The following MAML2 variants were observed in gnomAD, a reference collection of about 807,000 sequenced individuals.
MAML2 encodes mastermind-like protein 2.
A neutral mutation model predicts 96.1 loss-of-function variants in MAML2; 22 were observed. The ratio of observed to expected loss-of-function variants is 0.23; its 90% confidence interval spans 0.16 to 0.33. MAML2 has a LOEUF of 0.33. MAML2 is among the 10% of genes least tolerant of loss of function. The pLI is 1.00. For synonymous variants in MAML2, 561 were observed against 521.3 expected (o/e 1.08, Z -1.04); for missense variants, 1,367 against 1,392.4 (o/e 0.98, Z 0.29).
At chr11:96,081,415 A>G (rs566948663) in intron 2 of MAML2, among the ~76,000 whole-genome samples, 2 of 152,324 alleles carry the variant, frequency 1.3e-5, no homozygotes, top group Admixed American at 1.3e-4. Flanking sequence ...GAAGATGTCC[A>G]TCAAGTTACC....
At chr11:96,233,134 C>T (rs893829975) in intron 1 of MAML2, among the ~76,000 whole-genome samples, 4 of 151,906 alleles carry the variant, frequency 2.6e-5, no homozygotes, top group Non-Finnish European at 4.4e-5. Flanking sequence ...AAAACAATAT[C>T]TGTCACCAAT....
intron 1 of MAML2, among the ~76,000 whole-genome samples, chr11:96,260,552 C>G (rs1215298380): frequency 2.0e-5 from 3 of 152,106 alleles, no homozygotes; most frequent in African/African-American, 7.2e-5. Flanking sequence ...AAGAGGAACA[C>G]CAGGGCTGCC....
At chr11:96,121,114 T>A (rs1403613841) in intron 1 of MAML2, among the ~76,000 whole-genome samples, 1 of 152,052 alleles carries the variant, frequency 6.6e-6, no homozygotes, top group African/African-American at 2.4e-5. Flanking sequence ...TGGATGCTAT[T>A]CCAGGTCACA....
At chr11:96,024,014 A>G (rs1858477117) in intron 2 of MAML2, among the ~76,000 whole-genome samples, 1 of 152,228 alleles carries the variant, frequency 6.6e-6, no homozygotes, top group East Asian at 1.9e-4. Context: ...AAGTTAAGAT[A>G]TAAGATGATC....
At chr11:96,061,870 C>T (rs1365970689) in intron 2 of MAML2, among the ~76,000 whole-genome samples, 1 of 151,790 alleles carries the variant, frequency 6.6e-6, no homozygotes, top group Non-Finnish European at 1.5e-5. Context: ...ACTCTTAATA[C>T]ACCTCATAGA....
At chr11:96,134,894 G>A (rs1026494908) in intron 1 of MAML2, among the ~76,000 whole-genome samples, 5 of 152,210 alleles carry the variant, frequency 3.3e-5, no homozygotes, top group African/African-American at 1.2e-4. Context: ...CATGTGTAGG[G>A]CATTACATCC....
intron 2 of MAML2, among the ~76,000 whole-genome samples, chr11:96,001,867 G>A (rs1565186039): frequency 6.6e-6 from 1 of 152,056 alleles, no homozygotes; most frequent in Non-Finnish European, 1.5e-5. Context: ...CCTATACAAT[G>A]GTGATACTAA....
intron 2 of MAML2, among the ~76,000 whole-genome samples, chr11:95,996,962 T>A (rs1161603074): frequency 6.6e-6 from 1 of 152,126 alleles, no homozygotes; most frequent in Non-Finnish European, 1.5e-5. Context: ...AGAGTATGTG[T>A]GTATGTGTGC....
intron 2 of MAML2, among the ~76,000 whole-genome samples, chr11:95,995,668 T>C (rs915838079): frequency 1.3e-5 from 2 of 152,212 alleles, no homozygotes; most frequent in Admixed American, 6.5e-5. Flanking sequence ...ACTGTAAGTG[T>C]ACCTGGACTA....
intron 2 of MAML2, among the ~76,000 whole-genome samples, chr11:96,062,367 T>G (rs1343263695): frequency 1.3e-5 from 2 of 152,174 alleles, no homozygotes; most frequent in African/African-American, 4.8e-5. Flanking sequence ...GAAGTGCAGG[T>G]AAAAAGTTCA....
chr11:96,162,937 C>T (rs1253901478), intron 1 of MAML2, among the ~76,000 whole-genome samples: 7 of 152,182 alleles, frequency 4.6e-5, no homozygotes, highest in Admixed American at 4.6e-4. Context: ...TTATCATTTC[C>T]TGCTTGGATT....
intron 1 of MAML2, among the ~76,000 whole-genome samples, chr11:96,292,627 C>T (rs1319916318): frequency 6.6e-6 from 1 of 152,170 alleles, no homozygotes. Flanking sequence ...TAGAAAGTTC[C>T]TTTTTTATCT....
At chr11:96,301,226 A>T (rs967883557) in intron 1 of MAML2, among the ~76,000 whole-genome samples, 1 of 152,178 alleles carries the variant, frequency 6.6e-6, no homozygotes, top group Non-Finnish European at 1.5e-5. Flanking sequence ...TCAAAAGTTG[A>T]TTTCTTTTTC....
At chr11:96,273,017 C>G (rs1862937760) in intron 1 of MAML2, among the ~76,000 whole-genome samples, 1 of 152,200 alleles carries the variant, frequency 6.6e-6, no homozygotes, top group African/African-American at 2.4e-5. Context: ...TATTCAGCCC[C>G]TACTATATGT....
At chr11:96,003,668 A>G (rs1423791452) in intron 2 of MAML2, among the ~76,000 whole-genome samples, 2 of 152,172 alleles carry the variant, frequency 1.3e-5, no homozygotes, top group African/African-American at 2.4e-5. Context: ...TTTACCTCCA[A>G]TGATGATTAA....
intron 1 of MAML2, among the ~76,000 whole-genome samples, chr11:96,337,569 A>G (rs939174920): frequency 1.3e-5 from 2 of 152,236 alleles, no homozygotes; most frequent in Admixed American, 1.3e-4. Flanking sequence ...CAAAGACTCC[A>G]AAGACTTTCA....
chr11:96,290,269 A>G (rs376805553), intron 1 of MAML2, among the ~76,000 whole-genome samples: 345 of 152,310 alleles, frequency 2.3e-3, no homozygotes, highest in African/African-American at 8.0e-3. Flanking sequence ...TCCAGTAGAG[A>G]CCACTTGATT....
intron 1 of MAML2, among the ~76,000 whole-genome samples, chr11:96,295,232 T>A (rs565532650): frequency 6.6e-6 from 1 of 152,320 alleles, no homozygotes; most frequent in South Asian, 2.1e-4. Context: ...GAAACACTGG[T>A]ATCTTAAGGG....
intron 1 of MAML2, among the ~76,000 whole-genome samples, chr11:96,184,299 G>T (rs544269147): frequency 6.6e-6 from 1 of 152,122 alleles, no homozygotes; most frequent in Non-Finnish European, 1.5e-5. Context: ...AAATTAGTGG[G>T]CGTGGTGGCA....
Sources: allele counts gnomAD v4.1 joint callset (sites outside exome capture counted in the v4.1 genomes callset), GRCh38; gene constraint gnomAD v4.1.1; transcripts MANE v1.5; gene names NCBI Gene and HGNC (gene_info 2026-07-23, HGNC 2026-07-21).